Variants in HTR7 observed in about 807,000 individuals in gnomAD.
HTR7 encodes 5-hydroxytryptamine receptor 7.
In HTR7, 16 loss-of-function variants were observed where a neutral mutation model predicts 34.0. The observed-to-expected ratio is 0.47, with a 90% CI of 0.32 to 0.71. The LOEUF is 0.71. Among genes scored for constraint, HTR7 ranks in the 30% least tolerant of loss-of-function variants. The probability of loss-of-function intolerance (pLI) is 0.04; values close to 1 mark genes in which losing one functional copy is unlikely to be tolerated. For synonymous variants in HTR7, 265 were observed against 260.2 expected, an observed-to-expected ratio of 1.02 and a Z score of -0.18; for missense variants, 504 against 625.5, an observed-to-expected ratio of 0.81 and a Z score of 2.07.
chr10:90,829,096 T>C (rs1473551540), intron 1 of HTR7, among the ~76,000 whole-genome samples: 2 of 152,160 alleles, frequency 1.3e-5, no homozygotes, highest in African/African-American at 4.8e-5. Flanking sequence ...GTTCAACATA[T>C]GTAAATCAAC....
At chr10:90,830,571 T>C (rs1244808013) in intron 1 of HTR7, among the ~76,000 whole-genome samples, 1 of 152,048 alleles carries the variant, frequency 6.6e-6, no homozygotes, top group Non-Finnish European at 1.5e-5. Context: ...AGATAGCTTG[T>C]GCCCAGGAGT....
At chr10:90,836,441 G>A (rs2120072936) in intron 1 of HTR7, among the ~76,000 whole-genome samples, 1 of 152,232 alleles carries the variant, frequency 6.6e-6, no homozygotes, top group Non-Finnish European at 1.5e-5. Flanking sequence ...TAATAACAAT[G>A]CTGCCTGTCA....
intron 1 of HTR7, among the ~76,000 whole-genome samples, chr10:90,761,738 T>TA (rs756678898): frequency 1.3e-5 from 2 of 152,182 alleles, no homozygotes; most frequent in Non-Finnish European, 2.9e-5. Flanking sequence ...TGCTGTACAT[T>TA]AGATTCCCAT....
chr10:90,852,148 C>T (rs1462496990), intron 1 of HTR7, among the ~76,000 whole-genome samples: 2 of 147,474 alleles, frequency 1.4e-5, no homozygotes, highest in Non-Finnish European at 3.0e-5. Context: ...TACTTGAGGC[C>T]GGGAGTTCAA....
chr10:90,782,061 T>C (rs761662398), intron 1 of HTR7, among the ~76,000 whole-genome samples: 15 of 152,222 alleles, frequency 9.9e-5, no homozygotes, highest in Non-Finnish European at 1.6e-4. Context: ...GGGAGGCCTG[T>C]CATGCATGGG....
intron 1 of HTR7, among the ~76,000 whole-genome samples, chr10:90,856,399 C>A (rs1219012153): frequency 6.6e-6 from 1 of 152,072 alleles, no homozygotes; most frequent in Non-Finnish European, 1.5e-5. Context: ...AATATGACAC[C>A]CAAGGCAGGA....
At chr10:90,804,715 T>C (rs1438798456) in intron 1 of HTR7, among the ~76,000 whole-genome samples, 1 of 152,248 alleles carries the variant, frequency 6.6e-6, no homozygotes, top group Admixed American at 6.5e-5. Context: ...GCAGTCAGCT[T>C]CATTAAAAGC....
intron 1 of HTR7, among the ~76,000 whole-genome samples, chr10:90,824,784 T>G (rs1398354915): frequency 6.6e-6 from 1 of 152,234 alleles, no homozygotes. Context: ...GAGACCCCTC[T>G]TCTTGTGGAA....
intron 1 of HTR7, among the ~76,000 whole-genome samples, chr10:90,753,201 C>A (rs989435229): frequency 5.9e-5 from 9 of 151,672 alleles, no homozygotes; most frequent in African/African-American, 2.2e-4. Flanking sequence ...CCAACCATCC[C>A]AATAAAAATA....
chr10:90,742,693 G>T (rs1472534187), intron 3 of HTR7, among the ~76,000 whole-genome samples, 165 bp from the exon 4 acceptor site: 4 of 152,100 alleles, frequency 2.6e-5, no homozygotes, highest in Non-Finnish European at 2.9e-5. Flanking sequence ...AAAGTGTTGT[G>T]ACTCTTTTCA....
chr10:90,748,707 G>T, intron 2 of HTR7, 132 bp downstream of exon 2: 1 of 1,040,472 alleles, frequency 9.6e-7, no homozygotes, highest in Non-Finnish European at 1.4e-6. Context: ...CTATACTGTT[G>T]TCAATTCAAA....
intron 1 of HTR7, among the ~76,000 whole-genome samples, chr10:90,784,050 G>A (rs2119855533): frequency 6.6e-6 from 1 of 152,244 alleles, no homozygotes; most frequent in Non-Finnish European, 1.5e-5. Flanking sequence ...ACTAAAACAA[G>A]TCATATTAAG....
chr10:90,800,030 C>T (rs4933608), intron 1 of HTR7, among the ~76,000 whole-genome samples: 39,520 of 152,066 alleles, frequency 0.26, 5,462 homozygotes, highest in African/African-American at 0.35. Flanking sequence ...ATGGATATCT[C>T]ATCAAAGAAA....
chr10:90,817,829 T>C (rs1287075668), intron 1 of HTR7, among the ~76,000 whole-genome samples: 1 of 152,200 alleles, frequency 6.6e-6, no homozygotes, highest in African/African-American at 2.4e-5. Flanking sequence ...AAAATGTCTT[T>C]CAACTGTTGA....
At chr10:90,799,468 C>A (rs1268136433) in intron 1 of HTR7, among the ~76,000 whole-genome samples, 1 of 152,172 alleles carries the variant, frequency 6.6e-6, no homozygotes, top group Non-Finnish European at 1.5e-5. Flanking sequence ...GTGTCGGTAT[C>A]TGTCTGCATT....
intron 1 of HTR7, among the ~76,000 whole-genome samples, chr10:90,852,438 G>C (rs11186336): frequency 0.26 from 39,313 of 151,956 alleles, 5,681 homozygotes; most frequent in African/African-American, 0.4. Flanking sequence ...AACATAAAAG[G>C]TGTGAGGGGA....
rs1164625510 is a variant in HTR7, at chr10:90,857,188, C to T, written c.484G>A (p.Asp162Asn). The stretch of plus-strand genomic sequence containing the variant: ...ATCGAGGCCGTGCAGCACATGACGT[C>T]CATGGCGATGAAGACATTACAGAAA... ...HFFCNVFIAMDVMCCTASIMT... is the reference protein window; with the variant it reads ...HFFCNVFIAMNVMCCTASIMT... Residue 162 changes from aspartate to asparagine, a missense_variant, in exon 1 of 4, where the codon GAC becomes AAC. Physicochemically the swap from Asp to Asn is conservative, Grantham distance 23. This residue lies in a region of HTR7 where 154 missense variants were observed against 248.8 expected (regional missense o/e 0.62). Coordinates refer to ENST00000336152, the MANE Select transcript of HTR7 (RefSeq NM_019859.4). The surrounding 1 kb of genome is among the most constrained non-coding windows in gnomAD (Gnocchi z 6.5). The T allele has an allele frequency of 6.2e-7, 1 of 1,613,798 alleles. No individual in the cohort carries two copies. Among genetic ancestry groups the T allele is most frequent in the Non-Finnish European group, 8.5e-7 (1 of 1,179,854 alleles).
chr10:90,805,714 C>T (rs1235727654), intron 1 of HTR7, among the ~76,000 whole-genome samples: 2 of 152,154 alleles, frequency 1.3e-5, no homozygotes, highest in South Asian at 2.1e-4. Flanking sequence ...AATCTTATAA[C>T]TCTGTAAGAT....
intron 1 of HTR7, among the ~76,000 whole-genome samples, chr10:90,850,055 C>T (rs923721115): frequency 3.9e-5 from 6 of 152,228 alleles, no homozygotes; most frequent in African/African-American, 1.4e-4. Flanking sequence ...GGGGCAAAAA[C>T]ACCAGAAGAG....
Sources: allele counts gnomAD v4.1 joint callset (sites outside exome capture counted in the v4.1 genomes callset), GRCh38; gene constraint gnomAD v4.1.1; regional missense constraint gnomAD v4.1.1; non-coding constraint Gnocchi (gnomAD v3.1); transcripts MANE v1.5; gene names NCBI Gene and HGNC (gene_info 2026-07-23, HGNC 2026-07-21).